CDH12: variants seen among roughly 807,000 people sequenced by gnomAD.
The protein encoded by CDH12 is cadherin-12.
A neutral mutation model predicts 74.1 loss-of-function variants in CDH12; 41 were observed. The ratio of observed to expected loss-of-function variants is 0.55; its 90% confidence interval spans 0.43 to 0.72. The LOEUF is 0.72. Among genes scored for constraint, CDH12 ranks in the 30% least tolerant of loss-of-function variants. The pLI, the probability that CDH12 is intolerant of heterozygous loss-of-function variation, is 0.00. For synonymous variants in CDH12, 399 were observed against 355.0 expected, an observed-to-expected ratio of 1.12 and a Z score of -1.39; for missense variants, 945 against 977.2, an observed-to-expected ratio of 0.97 and a Z score of 0.44.
chr5:22,148,060 G>A (rs1292343762), intron 4 of CDH12, among the ~76,000 whole-genome samples: 1 of 152,144 alleles, frequency 6.6e-6, no homozygotes, highest in African/African-American at 2.4e-5. Flanking sequence ...TTCCTAAGCA[G>A]TATACCAGCT....
intron 1 of CDH12, among the ~76,000 whole-genome samples, chr5:22,658,691 C>T (rs1380392976): frequency 3.9e-5 from 6 of 152,190 alleles, no homozygotes; most frequent in African/African-American, 4.8e-5. Flanking sequence ...ATAACCATCA[C>T]GTTTCAAGAG....
chr5:22,217,713 A>G (rs1210430340), intron 3 of CDH12, among the ~76,000 whole-genome samples: 4 of 151,770 alleles, frequency 2.6e-5, no homozygotes, highest in Non-Finnish European at 5.9e-5. Context: ...ATAAAACCCA[A>G]ACAAAACACA....
chr5:22,465,043 A>C (rs2662508), intron 2 of CDH12, among the ~76,000 whole-genome samples: 50,374 of 114,802 alleles, frequency 0.44, 10,990 homozygotes, highest in Admixed American at 0.62. Context: ...GAGGGGGGGA[A>C]GGGAGGAAGG....
At chr5:21,758,882 C>G (rs112990118) in intron 13 of CDH12, among the ~76,000 whole-genome samples, 4,747 of 152,126 alleles carry the variant, frequency 0.031, 82 homozygotes, top group Middle Eastern at 0.058. Context: ...AAACGAAACA[C>G]CATATACTCT....
At chr5:22,783,830 T>C (rs1460478598) in intron 1 of CDH12, among the ~76,000 whole-genome samples, 2 of 152,108 alleles carry the variant, frequency 1.3e-5, no homozygotes, top group Non-Finnish European at 2.9e-5. Context: ...CAAAGCGTCA[T>C]GGGAGTAAGC....
intron 1 of CDH12, among the ~76,000 whole-genome samples, chr5:22,672,834 G>T (rs1740976268): frequency 6.6e-6 from 1 of 152,088 alleles, no homozygotes; most frequent in East Asian, 1.9e-4. Flanking sequence ...GAAATACAAT[G>T]TAATTGTATG....
chr5:22,736,671 G>A (rs1321311030), intron 1 of CDH12, among the ~76,000 whole-genome samples: 1 of 151,544 alleles, frequency 6.6e-6, no homozygotes, highest in African/African-American at 2.4e-5. Flanking sequence ...GTATCAGATA[G>A]ATTAGGAAAA....
intron 1 of CDH12, among the ~76,000 whole-genome samples, chr5:22,515,159 C>A (rs1461122630): frequency 1.3e-5 from 2 of 151,996 alleles, no homozygotes; most frequent in African/African-American, 4.8e-5. Context: ...TTTAGTGATG[C>A]AATTGTAAAA....
At chr5:22,743,731 CTTTG>C (rs1745151753) in intron 1 of CDH12, among the ~76,000 whole-genome samples, 1 of 151,970 alleles carries the variant, frequency 6.6e-6, no homozygotes, top group Non-Finnish European at 1.5e-5. Flanking sequence ...TTTTAAAAAT[CTTTG>C]TTTGGCATAG....
chr5:22,202,460 G>T (rs1317161089), intron 4 of CDH12, among the ~76,000 whole-genome samples: 1 of 152,084 alleles, frequency 6.6e-6, no homozygotes, highest in Non-Finnish European at 1.5e-5. Context: ...GCACAAAAGG[G>T]TCAGAGTTTT....
At chr5:22,804,263 G>A (rs80155390) in intron 1 of CDH12, among the ~76,000 whole-genome samples, 2 of 152,268 alleles carry the variant, frequency 1.3e-5, no homozygotes, top group Admixed American at 6.5e-5. Flanking sequence ...TATGTACACT[G>A]TTCCTATGTT....
intron 6 of CDH12, among the ~76,000 whole-genome samples, chr5:21,943,873 A>G (rs1479844557): frequency 6.6e-6 from 1 of 152,176 alleles, no homozygotes; most frequent in African/African-American, 2.4e-5. Flanking sequence ...GAATGACACC[A>G]AAGAATTAGC....
chr5:22,644,042 C>G (rs1350043977), intron 1 of CDH12, among the ~76,000 whole-genome samples: 5 of 151,928 alleles, frequency 3.3e-5, no homozygotes, highest in Admixed American at 3.3e-4. Context: ...CTGTTCTAAC[C>G]ACAAGCCATT....
At chr5:22,656,279 G>C (rs1178148287) in intron 1 of CDH12, among the ~76,000 whole-genome samples, 1 of 152,114 alleles carries the variant, frequency 6.6e-6, no homozygotes, top group Non-Finnish European at 1.5e-5. Context: ...TTGCAATTTG[G>C]AGGCAAGAAA....
At chr5:22,015,754 T>G (rs1209879822) in intron 5 of CDH12, among the ~76,000 whole-genome samples, 1 of 152,184 alleles carries the variant, frequency 6.6e-6, no homozygotes, top group African/African-American at 2.4e-5. Context: ...CCGTGACAGA[T>G]AGTTATACCA....
At chr5:22,315,163 C>T (rs563543141) in intron 3 of CDH12, among the ~76,000 whole-genome samples, 7 of 114,648 alleles carry the variant, frequency 6.1e-5, no homozygotes, top group Admixed American at 2.1e-4. Flanking sequence ...GGGGTTTCAC[C>T]GTGTTAGCCG....
intron 4 of CDH12, among the ~76,000 whole-genome samples, chr5:22,107,311 T>C (rs1282696429): frequency 6.6e-6 from 1 of 151,836 alleles, no homozygotes; most frequent in Admixed American, 6.6e-5. Flanking sequence ...TTTTTATTTT[T>C]AGTAGAGATA....
intron 5 of CDH12, among the ~76,000 whole-genome samples, chr5:22,053,600 C>T (rs747240004): frequency 5.5e-4 from 84 of 152,076 alleles, no homozygotes; most frequent in Non-Finnish European, 9.6e-4. Flanking sequence ...TAACTAATGG[C>T]CTGAAATTCC....
intron 14 of CDH12, among the ~76,000 whole-genome samples, chr5:21,754,068 T>G (rs1407297424): frequency 6.6e-6 from 1 of 152,130 alleles, no homozygotes; most frequent in East Asian, 1.9e-4. Context: ...ACTACAAAGA[T>G]TAATAACAAG....
Sources: allele counts gnomAD v4.1 joint callset (sites outside exome capture counted in the v4.1 genomes callset), GRCh38; gene constraint gnomAD v4.1.1; transcripts MANE v1.5; gene names NCBI Gene and HGNC (gene_info 2026-07-23, HGNC 2026-07-21).